Variants in ATP7A observed in about 807,000 individuals in gnomAD.
ATP7A encodes ATPase copper transporting alpha.
Under a neutral mutation model 83.5 loss-of-function variants are expected in ATP7A, and 7 were observed. The ratio of observed to expected loss-of-function variants is 0.08; its 90% CI spans 0.05 to 0.16. The LOEUF (loss-of-function observed/expected upper bound fraction) is 0.16. Ranked by LOEUF, ATP7A falls within the 10% of genes least tolerant of loss-of-function variation. The pLI, the probability that ATP7A is intolerant of heterozygous loss-of-function variation, is 1.00. For missense variants in ATP7A, 940 were observed against 1,120.8 expected, an observed-to-expected ratio of 0.84 and a Z score of 2.30; for synonymous variants, 354 against 395.2, an observed-to-expected ratio of 0.90 and a Z score of 1.24.
Position 78,011,625 on chromosome X carries a change from G to C in ATP7A, c.2123G>C (p.Gly708Ala), listed in dbSNP as rs1392373580. 8.3e-7 allele frequency: 1 copy of C among 1,209,449 alleles called. No individual in the cohort carries two copies. The highest frequency in any genetic ancestry group is 1.8e-5 in the African/African-American group (1 of 57,051). ...TTCCTGGAGCGCCAGATTCTTCCAG[G>C]ATTGTCTGTTATGAATTTGCTGTCC... ...SMFLERQILP[G>A]LSVMNLLSFL... is the part of the protein sequence containing the mutation. The change falls in exon 9 of 23, where the codon GGA (glycine) becomes GCA (alanine). Residue 708 changes from glycine (G) to alanine (A), a missense_variant. By Grantham distance (60) the Gly-to-Ala change is moderately conservative. Around this residue, in one of 3 missense-constraint regions of ATP7A, gnomAD observed 204 missense variants for 185.8 expected, o/e 1.10. Coordinates refer to ENST00000341514, the MANE Select transcript of ATP7A (RefSeq NM_000052.7).
At position 78,029,712 on chromosome X, in the gene ATP7A, C is replaced by T. The variant is rs1452589414; in HGVS notation, c.3111+268C>T. On this transcript the variant is annotated intron_variant, in intron 15 of 22. Coordinates refer to ENST00000341514, the MANE Select transcript of ATP7A (RefSeq NM_000052.7). ...ACCTGGACTCCTATCCTAGCTCAGA[C>T]TAGACTAGTCTTTGTGGCAGAAAGA... Among the ~76,000 whole-genome samples, 4 of 111,946 alleles carry T rather than the reference C, an allele frequency of 3.6e-5. No individual in the cohort carries two copies. The Admixed American group carries it at 3.8e-4, about 11-fold the overall frequency.
chrX:78,012,078 G>A (rs1415517345), intron 9 of ATP7A, among the ~76,000 whole-genome samples: 1 of 110,213 alleles, frequency 9.1e-6, no homozygotes, highest in African/African-American at 3.3e-5. Context: ...TGAGTAGCTG[G>A]GACTTCCAGG....
intron 1 of ATP7A, among the ~76,000 whole-genome samples, chrX:77,965,823 G>A (rs782005823): frequency 1.8e-5 from 2 of 112,243 alleles, no homozygotes; most frequent in Non-Finnish European, 3.8e-5. Context: ...AGGGAATGAT[G>A]TACTGATATG....
At chrX:77,927,570 C>A (rs2077248537) in intron 1 of ATP7A, among the ~76,000 whole-genome samples, 2 of 111,720 alleles carry the variant, frequency 1.8e-5, no homozygotes, top group South Asian at 7.4e-4. Context: ...CATCTTAGTA[C>A]AGTTGTCTGT....
intron 17 of ATP7A, among the ~76,000 whole-genome samples, chrX:78,037,066 G>T (rs1309698747): frequency 1.8e-5 from 2 of 111,573 alleles, no homozygotes; most frequent in Non-Finnish European, 3.8e-5. Context: ...TAAGATGGGG[G>T]ATCCCACAGG....
At chrX:77,999,212 A>T (rs1175355532) in intron 5 of ATP7A, among the ~76,000 whole-genome samples, 2 of 109,833 alleles carry the variant, frequency 1.8e-5, no homozygotes, top group African/African-American at 6.6e-5. Flanking sequence ...GGCCAGGCTG[A>T]TCTCAAACTC....
chrX:77,922,199 C>A (rs781918676), intron 1 of ATP7A, among the ~76,000 whole-genome samples: 11 of 109,337 alleles, frequency 1.0e-4, no homozygotes, highest in Non-Finnish European at 1.7e-4. Context: ...AATAGTATAT[C>A]ATTTTTGTTA....
In ATP7A at chrX:77,996,733, T is replaced by C. The variant is rs782019261; in HGVS notation, c.1337-1745T>C. Among the ~76,000 whole-genome samples, 1 of 110,754 alleles carries C rather than the reference T, an allele frequency of 9.0e-6. No individual in the cohort carries two copies. The highest frequency in any genetic ancestry group is 1.9e-5 in the Non-Finnish European group (1 of 52,960). ...TCCAGGTTACCTCTGGTACCTAAAA[T>C]AACGAAATTGCTCTGGAACAACAGG... On this transcript the variant is annotated intron_variant, in intron 4 of 22. Coordinates refer to ENST00000341514, the MANE Select transcript of ATP7A (RefSeq NM_000052.7).
chrX:77,951,298 T>G (rs782443501), intron 1 of ATP7A, among the ~76,000 whole-genome samples: 2 of 112,115 alleles, frequency 1.8e-5, no homozygotes, highest in South Asian at 7.3e-4. Context: ...GTTTTGTTGT[T>G]GTTAGGTAAT....
chrX:77,995,567 CAAAAA>C (rs1232051931), intron 4 of ATP7A, among the ~76,000 whole-genome samples: 1 of 35,026 alleles, frequency 2.9e-5, no homozygotes, highest in African/African-American at 1.2e-4. Context: ...GACTCCATCT[CAAAAA>C]AAAAAAAAAA....
At chrX:78,026,368 A>G (rs1205745841) in intron 14 of ATP7A, among the ~76,000 whole-genome samples, 2 of 112,324 alleles carry the variant, frequency 1.8e-5, no homozygotes, top group Non-Finnish European at 3.8e-5. Flanking sequence ...AAAGATCTCA[A>G]TTCAACAAGA....
At chrX:77,948,841 T>A (rs1212182652) in intron 1 of ATP7A, among the ~76,000 whole-genome samples, 1 of 111,942 alleles carries the variant, frequency 8.9e-6, no homozygotes, top group Non-Finnish European at 1.9e-5. Context: ...GTCATTTTTT[T>A]AAACCTAAAA....
chrX:77,930,474 A>G (rs187111247), intron 1 of ATP7A, among the ~76,000 whole-genome samples: 254 of 112,040 alleles, frequency 2.3e-3, no homozygotes, highest in Non-Finnish European at 3.6e-3. Context: ...TTTCTTGGAA[A>G]ATGAATGATC....
At chrX:77,966,471 C>T (rs1263970358) in intron 1 of ATP7A, among the ~76,000 whole-genome samples, 3 of 111,836 alleles carry the variant, frequency 2.7e-5, no homozygotes, top group African/African-American at 6.5e-5. Context: ...AATGGAATAC[C>T]GATACATTTT....
intron 1 of ATP7A, among the ~76,000 whole-genome samples, chrX:77,946,729 TAAAAAAAAAAAAA>T: frequency 1.8e-5 from 1 of 55,089 alleles, no homozygotes; most frequent in East Asian, 5.7e-4. Flanking sequence ...TGGCTATTAC[TAAAAAAAAAAAAA>T]AAAAAAAACC....
intron 1 of ATP7A, chrX:77,962,484 T>C: frequency 4.3e-6 from 1 of 234,478 alleles, no homozygotes; most frequent in Non-Finnish European, 8.0e-6. Flanking sequence ...TGTTTGTGCG[T>C]TTTGTCCAAT....
chrX:77,910,868 C>G (rs1445886887), intron 1 of ATP7A, 33 bp downstream of exon 1: 3 of 112,391 alleles, frequency 2.7e-5, no homozygotes, highest in African/African-American at 9.7e-5. Flanking sequence ...GTCGTCCTTT[C>G]TCCTGGAGGG....
chrX:77,920,754 A>C (rs1363541920), intron 1 of ATP7A, among the ~76,000 whole-genome samples: 2 of 111,231 alleles, frequency 1.8e-5, no homozygotes, highest in African/African-American at 6.5e-5. Flanking sequence ...TATTATTGTG[A>C]ATAGTGCTGC....
At chrX:77,944,354 A>G (rs2077367031) in intron 1 of ATP7A, among the ~76,000 whole-genome samples, 1 of 112,202 alleles carries the variant, frequency 8.9e-6, no homozygotes, top group African/African-American at 3.2e-5. Flanking sequence ...AACATAATAT[A>G]TGAACTGATC....
Sources: gnomAD v4.1 joint callset for allele counts (sites outside exome capture counted in the v4.1 genomes callset) on GRCh38, gnomAD v4.1.1 for gene constraint, gnomAD v4.1.1 regional missense constraint, MANE v1.5 for transcripts, NCBI Gene and HGNC (gene_info 2026-07-23, HGNC 2026-07-21) for gene names.